The following ZPLD1 variants were observed in gnomAD, a reference collection of about 807,000 sequenced individuals.
ZPLD1 encodes the protein zona pellucida-like domain-containing protein 1.
A neutral mutation model predicts 47.2 loss-of-function variants in ZPLD1; 34 were observed. The ratio of observed to expected loss-of-function variants is 0.72; its 90% CI spans 0.55 to 0.96. The LOEUF (loss-of-function observed/expected upper bound fraction) is 0.96, where lower values mean the gene tolerates loss of function less well. Among genes scored for constraint, ZPLD1 ranks in the 40% least tolerant of loss-of-function variants. The pLI is 0.00. For missense variants in ZPLD1, 512 were observed against 505.8 expected (o/e 1.01, Z -0.12); for synonymous variants, 176 against 186.2 (o/e 0.95, Z 0.45).
chr3:102,453,319 G>C (rs780255364), intron 4 of ZPLD1, among the ~76,000 whole-genome samples, 180 bp downstream of exon 4: 2 of 152,202 alleles, frequency 1.3e-5, no homozygotes, highest in African/African-American at 2.4e-5. Context: ...TTCCAATAAT[G>C]GTTATGTTTA....
rs533640421 is a variant in ZPLD1, at chr3:102,462,517, A to G, written c.680+139A>G. On this transcript the variant is annotated intron_variant, in intron 7 of 11. Coordinates refer to ENST00000466937, the MANE Select transcript of ZPLD1 (RefSeq NM_001329788.2). The stretch of plus-strand genomic sequence containing the variant: ...CCACACCATTTAGGCATGCTACTAA[A>G]AAGAAATAACAGATTACAAAGTTTA... The G allele has an allele frequency of 1.6e-5, 9 of 551,340 alleles. No individual in the cohort carries two copies. The African/African-American group carries it at 1.8e-4, about 11-fold the overall frequency. The allele number at this position is 551,340 out of a possible 1,614,324, so 34.2% of individuals were successfully genotyped here. A position where few individuals can be genotyped will look rare whatever the true frequency, so the allele number is the denominator to read the frequency against.
intron 2 of ZPLD1, among the ~76,000 whole-genome samples, chr3:102,437,870 G>A (rs776173210): frequency 1.3e-5 from 2 of 152,220 alleles, no homozygotes; most frequent in Non-Finnish European, 2.9e-5. Context: ...TTCACACACA[G>A]AGTATTTTCC....
At chr3:102,473,601 ATAAAT>A (rs1231813412) in intron 10 of ZPLD1, among the ~76,000 whole-genome samples, 3 of 152,180 alleles carry the variant, frequency 2.0e-5, no homozygotes, top group African/African-American at 7.2e-5. Context: ...AATAATTTTG[ATAAAT>A]ACAATTTTGG....
At chr3:102,431,935 A>G (rs1364641771), upstream of ZPLD1, among the ~76,000 whole-genome samples, 1 of 152,044 alleles carries the variant, frequency 6.6e-6, no homozygotes, top group Non-Finnish European at 1.5e-5. Flanking sequence ...AAAAACAATA[A>G]TGATTTTGAA....
intron 8 of ZPLD1, among the ~76,000 whole-genome samples, chr3:102,426,103 A>G (rs1267336985): frequency 6.7e-6 from 1 of 150,216 alleles, no homozygotes; most frequent in African/African-American, 2.5e-5. Context: ...ACATTTTGAC[A>G]TATTTCCTAC....
chr3:102,388,940 A>G (rs898101557), intron 6 of ZPLD1, among the ~76,000 whole-genome samples: 6 of 151,912 alleles, frequency 3.9e-5, no homozygotes, highest in Admixed American at 3.9e-4. Flanking sequence ...CCTATTTTTC[A>G]CTCAATTTTT....
chr3:102,419,868 CA>C (rs1355302572), intron 8 of ZPLD1, among the ~76,000 whole-genome samples: 1 of 143,386 alleles, frequency 7.0e-6, no homozygotes, highest in Non-Finnish European at 1.5e-5. Context: ...GCAAGGAACT[CA>C]TTTTTTTTTT....
chr3:102,385,308 C>T (rs1019065315), exon 6 of ZPLD1: 1 of 152,178 alleles, frequency 6.6e-6, no homozygotes, highest in Non-Finnish European at 1.5e-5. Context: ...GTCCTCTTCA[C>T]CTGAAATAAG....
At chr3:102,463,189 A>G (rs144595074) in intron 7 of ZPLD1, among the ~76,000 whole-genome samples, 1 of 152,236 alleles carries the variant, frequency 6.6e-6, no homozygotes, top group Non-Finnish European at 1.5e-5. Context: ...TATAAATGTG[A>G]GCAAAATCTA....
At chr3:102,462,960 T>G (rs760370431) in intron 7 of ZPLD1, among the ~76,000 whole-genome samples, 1 of 152,200 alleles carries the variant, frequency 6.6e-6, no homozygotes, top group African/African-American at 2.4e-5. Flanking sequence ...GGGTTGCTTA[T>G]GTATTACTAT....
At chr3:102,456,507 T>C (rs1229853247) in intron 5 of ZPLD1, 133 bp downstream of exon 5, 1 of 743,476 alleles carries the variant, frequency 1.3e-6, no homozygotes, top group Admixed American at 2.4e-5. Flanking sequence ...GGGAAACATA[T>C]TATGTCTAAT....
upstream of ZPLD1, among the ~76,000 whole-genome samples, chr3:102,433,751 G>A (rs546935784): frequency 2.6e-5 from 4 of 152,006 alleles, no homozygotes; most frequent in South Asian, 2.1e-4. Context: ...GGATGGTCTC[G>A]ATCTCCTGAC....
At chr3:102,406,327 C>T (rs758701943) in intron 7 of ZPLD1, among the ~76,000 whole-genome samples, 1 of 151,918 alleles carries the variant, frequency 6.6e-6, no homozygotes, top group African/African-American at 2.4e-5. Context: ...AAGCTTGACA[C>T]ACAACTACAC....
intron 10 of ZPLD1, among the ~76,000 whole-genome samples, chr3:102,471,046 G>A (rs111361065): frequency 1.1e-3 from 161 of 152,224 alleles, no homozygotes; most frequent in African/African-American, 3.6e-3. Context: ...CAAAGTGCTG[G>A]GATTACAGGC....
At chr3:102,473,201 A>G (rs1285282405) in intron 10 of ZPLD1, among the ~76,000 whole-genome samples, 1 of 152,182 alleles carries the variant, frequency 6.6e-6, no homozygotes, top group Non-Finnish European at 1.5e-5. Flanking sequence ...GGGGACGCAA[A>G]CCGTATCGTT....
chr3:102,461,486 A>G (rs944007352), intron 6 of ZPLD1, among the ~76,000 whole-genome samples: 16 of 152,048 alleles, frequency 1.1e-4, no homozygotes, highest in African/African-American at 3.9e-4. Context: ...GTAAAAATGA[A>G]GTCCTGAGAT....
At chr3:102,467,094 C>A (rs16845047) in intron 8 of ZPLD1, among the ~76,000 whole-genome samples, 24,758 of 151,740 alleles carry the variant, frequency 0.16, 2,488 homozygotes, top group South Asian at 0.35. Context: ...TGGTGGCCAA[C>A]AAGTAAGTAA....
Position 102,442,444 on chromosome 3 carries a change from G to A in ZPLD1, c.106+3851G>A, listed in dbSNP as rs181904383. 1.3e-3 allele frequency among the ~76,000 whole-genome samples: 202 copies of A among 151,280 alleles called. 1 individual carries two copies. The highest frequency in any genetic ancestry group is 1.9e-3 in the Non-Finnish European group (131 of 67,886). On this transcript the variant is annotated intron_variant, in intron 3 of 11. Coordinates refer to ENST00000466937, the MANE Select transcript of ZPLD1 (RefSeq NM_001329788.2). Reference sequence around the variant, plus strand: ...CAAATATTAATAAAATCCAAATAACGCTGAAGTCCCGGGAGAGACTTTATA... The same window carrying A: ...CAAATATTAATAAAATCCAAATAACACTGAAGTCCCGGGAGAGACTTTATA...
intron 6 of ZPLD1, among the ~76,000 whole-genome samples, chr3:102,458,239 G>T (rs984572794): frequency 6.6e-6 from 1 of 152,046 alleles, no homozygotes; most frequent in Non-Finnish European, 1.5e-5. Context: ...AGTACAAATG[G>T]TGTTTCCCTT....
Sources: allele counts gnomAD v4.1 joint callset (sites outside exome capture counted in the v4.1 genomes callset), GRCh38; gene constraint gnomAD v4.1.1; transcripts MANE v1.5; gene names NCBI Gene and HGNC (gene_info 2026-07-23, HGNC 2026-07-21).